PRKAR1B: variants seen among roughly 807,000 people sequenced by gnomAD.
PRKAR1B encodes the protein cAMP-dependent protein kinase type I-beta regulatory subunit.
A neutral mutation model predicts 46.5 loss-of-function variants in PRKAR1B; 22 were observed. The observed-to-expected ratio is 0.47, with a 90% CI of 0.34 to 0.68. The LOEUF (loss-of-function observed/expected upper bound fraction) is 0.68. Ranked by LOEUF, PRKAR1B falls within the 30% of genes least tolerant of loss-of-function variation. The pLI, the probability that PRKAR1B is intolerant of heterozygous loss-of-function variation, is 0.01. For synonymous variants in PRKAR1B, 259 were observed against 217.7 expected (o/e 1.19, Z -1.67); for missense variants, 445 against 535.6 (o/e 0.83, Z 1.67).
chr7:601,160 G>T (rs1048365826), intron 6 of PRKAR1B, among the ~76,000 whole-genome samples: 1 of 152,224 alleles, frequency 6.6e-6, no homozygotes, highest in African/African-American at 2.4e-5. Context: ...GGCCAGCGCA[G>T]TTAAATACCC....
intron 4 of PRKAR1B, among the ~76,000 whole-genome samples, chr7:661,482 G>A (rs1394037821): frequency 1.1e-5 from 1 of 90,184 alleles, no homozygotes; most frequent in Admixed American, 1.4e-4. Context: ...CCACCACAAC[G>A]GGTCCAAATA....
chr7:687,565 G>C (rs1779158817), intron 2 of PRKAR1B, among the ~76,000 whole-genome samples: 1 of 152,222 alleles, frequency 6.6e-6, no homozygotes, highest in East Asian at 1.9e-4. Context: ...GTGCTGAAGA[G>C]CATGTGGACT....
At chr7:679,105 A>G (rs1778511074) in intron 3 of PRKAR1B, among the ~76,000 whole-genome samples, 1 of 152,192 alleles carries the variant, frequency 6.6e-6, no homozygotes, top group African/African-American at 2.4e-5. Context: ...ATATATATAA[A>G]TGTTTTGTTT....
chr7:713,468 C>A (rs1485717515), intron 1 of PRKAR1B, among the ~76,000 whole-genome samples: 1 of 149,356 alleles, frequency 6.7e-6, no homozygotes, highest in Middle Eastern at 3.3e-3. Flanking sequence ...CCCGTACACA[C>A]CATCTCCCAC....
chr7:550,492 A>C lies in PRKAR1B; in HGVS notation c.1084T>G (p.Cys362Gly). 1 of 1,600,052 alleles carries C rather than the reference A, an allele frequency of 6.2e-7. No homozygotes were observed. The highest frequency in any genetic ancestry group is 8.5e-7 in the Non-Finnish European group (1 of 1,173,910). The change falls in exon 11 of 11, where the codon TGC becomes GGC. Residue 362 changes from cysteine (C) to glycine (G), a missense_variant. Transcript: ENST00000537384. ...RPRFERVLGP[C>G]SEILKRNIQR... ...ATGTTCCTCTTGAGGATCTCAGAGC[A>C]GGGCCCCAGCACACGCTCGAAGCGG...
At chr7:691,540 C>T (rs367573081) in intron 2 of PRKAR1B, 1 of 1,304,382 alleles carries the variant, frequency 7.7e-7, no homozygotes, top group African/African-American at 1.5e-5. Context: ...TGGGCATTAC[C>T]AGTGGATCCA....
intron 5 of PRKAR1B, 85 bp downstream of exon 5, chr7:607,306 G>C: frequency 7.4e-7 from 1 of 1,350,370 alleles, no homozygotes; most frequent in East Asian, 2.4e-5. Context: ...GGGCCATCGT[G>C]CCTGCCCTTA....
chr7:638,776 G>A (rs1784251657), intron 4 of PRKAR1B, among the ~76,000 whole-genome samples: 1 of 152,170 alleles, frequency 6.6e-6, no homozygotes, highest in African/African-American at 2.4e-5. Flanking sequence ...CTGCTAAGCT[G>A]ACCCTAAAAT....
At chr7:580,432 T>C (rs1255724653) in intron 8 of PRKAR1B, among the ~76,000 whole-genome samples, 1 of 151,722 alleles carries the variant, frequency 6.6e-6, no homozygotes, top group African/African-American at 2.4e-5. Flanking sequence ...AATAACAAAA[T>C]AATTCAGAAT....
At chr7:596,671 C>T (rs1414691588) in intron 6 of PRKAR1B, among the ~76,000 whole-genome samples, 1 of 152,244 alleles carries the variant, frequency 6.6e-6, no homozygotes, top group Admixed American at 6.5e-5. Context: ...GTCAACTTCT[C>T]ACTCAGCCTC....
At chr7:671,128 T>G (rs1290793452) in intron 4 of PRKAR1B, among the ~76,000 whole-genome samples, 1 of 152,200 alleles carries the variant, frequency 6.6e-6, no homozygotes, top group Non-Finnish European at 1.5e-5. Context: ...CTTGAGGGTT[T>G]CTAAAGGGCC....
intron 2 of PRKAR1B, among the ~76,000 whole-genome samples, chr7:695,820 T>A (rs752358646): frequency 6.6e-6 from 1 of 151,522 alleles, no homozygotes; most frequent in South Asian, 2.1e-4. Context: ...CCTGCCACCA[T>A]GCCCGGCTAA....
rs754809627 is a variant in PRKAR1B, at chr7:556,633, G to A, written c.892-5163C>T. On this transcript the variant is annotated intron_variant, in intron 9 of 10. Coordinates refer to ENST00000537384, the MANE Select transcript of PRKAR1B (RefSeq NM_001164760.2). ...CGAGGCGTCCGCGTTCATCCCTCCCGGAAGGGGCTGTGGCGCGGCTGGACA... is the reference window on the plus strand; with the variant it reads ...CGAGGCGTCCGCGTTCATCCCTCCCAGAAGGGGCTGTGGCGCGGCTGGACA... Among the ~76,000 whole-genome samples the A allele has an allele frequency of 3.3e-5, 5 of 152,316 alleles. No individual in the cohort carries two copies. The South Asian group carries it at 6.2e-4, about 19-fold the overall frequency.
intron 4 of PRKAR1B, among the ~76,000 whole-genome samples, chr7:632,364 C>G (rs777817523): frequency 2.6e-5 from 4 of 152,188 alleles, no homozygotes; most frequent in Non-Finnish European, 4.4e-5. Context: ...GGACTCGAGA[C>G]GAATCCTCCT....
chr7:592,965 G>A (rs1442912698), intron 7 of PRKAR1B, among the ~76,000 whole-genome samples: 1 of 152,226 alleles, frequency 6.6e-6, no homozygotes, highest in Non-Finnish European at 1.5e-5. Flanking sequence ...GAGCCGGGGA[G>A]GCGGAGGCTA....
chr7:695,857 G>T (rs1468345818), intron 2 of PRKAR1B, among the ~76,000 whole-genome samples: 1 of 151,848 alleles, frequency 6.6e-6, no homozygotes, highest in Non-Finnish European at 1.5e-5. Context: ...GTAGAGATGG[G>T]GTTTCAGCGT....
At chr7:669,883 T>TTTTTTTTTTTTTA (rs770566286) in intron 4 of PRKAR1B, among the ~76,000 whole-genome samples, 3 of 144,738 alleles carry the variant, frequency 2.1e-5, no homozygotes, top group Admixed American at 6.9e-5. Context: ...TTTTTTTTTT[T>TTTTTTTTTTTTTA]GAGACGGAGT....
At chr7:697,142 T>C (rs1583433720) in intron 2 of PRKAR1B, 1 of 152,184 alleles carries the variant, frequency 6.6e-6, no homozygotes, top group South Asian at 2.1e-4. Flanking sequence ...GTGGCCAGAA[T>C]GTGCCCCAGA....
chr7:692,027 C>T lies in PRKAR1B; in HGVS notation c.178-11301G>A, dbSNP rs552044787. ...CATCCTTCTAATCGACCTCAGGTAT[C>T]GGCTGTATGGGACCCGCTCTTAGGG... is the stretch of plus-strand genomic sequence containing the variant. On this transcript the variant is annotated intron_variant, in intron 2 of 10. Transcript: ENST00000537384. 1.1e-4 allele frequency among the ~76,000 whole-genome samples: 17 copies of T among 152,320 alleles called. No individual in the cohort carries two copies. In the East Asian group the frequency reaches 1.4e-3, roughly 12 times the overall value.
Sources: allele counts gnomAD v4.1 joint callset (sites outside exome capture counted in the v4.1 genomes callset), GRCh38; gene constraint gnomAD v4.1.1; transcripts MANE v1.5; gene names NCBI Gene and HGNC (gene_info 2026-07-23, HGNC 2026-07-21).